DOT1L: variants seen among roughly 807,000 people sequenced by gnomAD.
DOT1L encodes histone-lysine N-methyltransferase, H3 lysine-79 specific.
Under a neutral mutation model 153.3 loss-of-function variants are expected in DOT1L, and 33 were observed. The ratio of observed to expected loss-of-function variants is 0.22; its 90% CI spans 0.16 to 0.29. The LOEUF (loss-of-function observed/expected upper bound fraction) is 0.29. Ranked by LOEUF, DOT1L falls within the 10% of genes least tolerant of loss-of-function variation. The probability of loss-of-function intolerance (pLI) is 1.00; values close to 1 mark genes in which losing one functional copy is unlikely to be tolerated. For synonymous variants in DOT1L, 1,135 were observed against 965.1 expected, an observed-to-expected ratio of 1.18 and a Z score of -3.26; for missense variants, 1,847 against 2,119.9, an observed-to-expected ratio of 0.87 and a Z score of 2.53.
At chr19:2,168,051 A>G (rs1376338588) in intron 1 of DOT1L, among the ~76,000 whole-genome samples, 8 of 152,112 alleles carry the variant, frequency 5.3e-5, no homozygotes, top group African/African-American at 1.4e-4. Context: ...GCAGCAGCAC[A>G]TTTATTCATG....
chr19:2,190,921 T>C lies in DOT1L; in HGVS notation c.265-91T>C, dbSNP rs2022766155. 1.6e-6 allele frequency: 2 copies of C among 1,272,936 alleles called. No individual in the cohort carries two copies. Among genetic ancestry groups the C allele is most frequent in the Admixed American group, 4.4e-5 (2 of 45,568 alleles). 78.9% of individuals were successfully genotyped at this position (1,272,936 alleles called of 1,614,324 possible). On this transcript the variant is annotated intron_variant, in intron 4 of 27. Coordinates refer to ENST00000398665, the MANE Select transcript of DOT1L (RefSeq NM_032482.3). This position sits in a 1 kb window ranked among gnomAD's most constrained non-coding sequence, Gnocchi z 4.8. ...ACGAGAGGCCATGCAGCCGACTCCC[T>C]GCTTCCGCTGGGAAAGGTCCCGGGT...
intron 1 of DOT1L, among the ~76,000 whole-genome samples, chr19:2,173,927 A>G (rs1015834512): frequency 1.3e-5 from 2 of 152,156 alleles, no homozygotes; most frequent in African/African-American, 4.8e-5. Flanking sequence ...GACTGTTTCC[A>G]GGGAACTCCT....
rs554267226 is a variant in DOT1L at position 2,203,996 on chromosome 19, G to A, written c.787+1217G>A. On this transcript the variant is annotated intron_variant, in intron 9 of 27. Transcript: ENST00000398665. ...CCTCCAGAGGCTAGGGGAGAACTGC[G>A]GTGGGCTCCTCAGGCCTCCCAAACA... is the stretch of plus-strand genomic sequence containing the variant. Among the ~76,000 whole-genome samples, 17 of 152,364 alleles carry A rather than the reference G, an allele frequency of 1.1e-4. No homozygotes were observed. The South Asian group carries it at 2.5e-3, about 22-fold the overall frequency.
At chr19:2,196,914 C>A (rs1019574311) in intron 7 of DOT1L, among the ~76,000 whole-genome samples, 3 of 152,214 alleles carry the variant, frequency 2.0e-5, no homozygotes, top group Non-Finnish European at 4.4e-5. Flanking sequence ...GAGTGTGCAG[C>A]GTGCGCTTTT....
chr19:2,218,627 T>G (rs1363600132), intron 22 of DOT1L, among the ~76,000 whole-genome samples: 1 of 152,042 alleles, frequency 6.6e-6, no homozygotes, highest in East Asian at 1.9e-4. Context: ...TCTCCTGACC[T>G]AGTGATCCGC....
intron 1 of DOT1L, among the ~76,000 whole-genome samples, chr19:2,167,666 T>C (rs1261002110): frequency 6.6e-6 from 1 of 152,142 alleles, no homozygotes; most frequent in Admixed American, 6.5e-5. Flanking sequence ...TGTCATTTTC[T>C]GTGTTCCCGT....
chr19:2,209,107 C>G (rs2023614705), intron 12 of DOT1L, 131 bp downstream of exon 12: 2 of 1,001,030 alleles, frequency 2.0e-6, no homozygotes, highest in South Asian at 3.3e-5. Flanking sequence ...GGGCCCGGCC[C>G]TGTGCCCTTT....
At chr19:2,195,870 C>T (rs1306906837) in intron 7 of DOT1L, among the ~76,000 whole-genome samples, 3 of 152,226 alleles carry the variant, frequency 2.0e-5, no homozygotes, top group Admixed American at 2.0e-4. Flanking sequence ...TGTTGTCATT[C>T]GACTCTCACA....
chr19:2,175,060 G>A lies in DOT1L; in HGVS notation c.82-5653G>A, dbSNP rs577646175. 5.3e-5 allele frequency among the ~76,000 whole-genome samples: 8 copies of A among 150,414 alleles called. No individual in the cohort carries two copies. In the East Asian group the frequency reaches 7.8e-4, roughly 15 times the overall value. On this transcript the variant is annotated intron_variant, in intron 1 of 27. Transcript: ENST00000398665. ...GTTGCCCAGGCTGGAGTGCAGTGGCGCCATCTCGGCTCACTGCAAGCCCCG... is the reference window on the plus strand; with the variant it reads ...GTTGCCCAGGCTGGAGTGCAGTGGCACCATCTCGGCTCACTGCAAGCCCCG...
intron 27 of DOT1L, chr19:2,229,321 C>T (rs2024501248): frequency 3.0e-6 from 3 of 985,448 alleles, no homozygotes; most frequent in Non-Finnish European, 3.6e-6. Context: ...TTGCCCCTGG[C>T]CTTCTGCCTC....
chr19:2,168,802 G>A (rs1217074738), intron 1 of DOT1L, among the ~76,000 whole-genome samples: 1 of 152,058 alleles, frequency 6.6e-6, no homozygotes, highest in Non-Finnish European at 1.5e-5. Flanking sequence ...TTTTAGTAGC[G>A]ACAGGTTTTC....
In DOT1L at chr19:2,193,543, T is replaced by C. The variant is rs2022887397; in HGVS notation, c.494-146T>C. 6.0e-6 allele frequency: 4 copies of C among 667,048 alleles called. No homozygotes were observed. Among genetic ancestry groups the C allele is most frequent in the Non-Finnish European group, 1.0e-5 (4 of 393,774 alleles). The allele number at this position is 667,048 out of a possible 1,614,324, so 41.3% of individuals were successfully genotyped here. A position where few individuals can be genotyped will look rare whatever the true frequency, so the allele number is the denominator to read the frequency against. On this transcript the variant is annotated intron_variant, in intron 5 of 27. Coordinates refer to ENST00000398665, the MANE Select transcript of DOT1L (RefSeq NM_032482.3). This position sits in a 1 kb window ranked among gnomAD's most constrained non-coding sequence, Gnocchi z 5.9. ...CTCTGGGAAGGATCCTGAGTGACCT[T>C]GGAGCATCGGATATGTGTGGAGACT...
intron 27 of DOT1L, chr19:2,227,631 C>A: frequency 1.7e-6 from 2 of 1,202,966 alleles, no homozygotes; most frequent in South Asian, 1.4e-5. Context: ...CCGCACACGC[C>A]TGGCGGCGCC....
At chr19:2,194,999 C>T (rs1441438568) in intron 7 of DOT1L, among the ~76,000 whole-genome samples, 5 of 152,136 alleles carry the variant, frequency 3.3e-5, no homozygotes, top group South Asian at 2.1e-4. Flanking sequence ...CCAGCAACCT[C>T]GGGGTGGGCA....
intron 9 of DOT1L, among the ~76,000 whole-genome samples, chr19:2,205,785 C>G (rs1249320339): frequency 6.6e-6 from 1 of 152,062 alleles, no homozygotes. Context: ...CCTTGACCTC[C>G]TGGGCTCAAG....
At chr19:2,225,207 AT>A (rs1461228497) in intron 25 of DOT1L, among the ~76,000 whole-genome samples, 180 bp from the exon 26 acceptor site, 1 of 152,086 alleles carries the variant, frequency 6.6e-6, no homozygotes, top group Non-Finnish European at 1.5e-5. Flanking sequence ...ACAGGGGTGG[AT>A]CCCAGGGCCC....
At chr19:2,174,519 T>G in intron 1 of DOT1L, among the ~76,000 whole-genome samples, 1 of 152,126 alleles carries the variant, frequency 6.6e-6, no homozygotes, top group African/African-American at 2.4e-5. Flanking sequence ...AAACCCCGTC[T>G]CTGTTAAAAA....
In DOT1L at chr19:2,227,276, C is replaced by T. The variant is rs2024392343; in HGVS notation, c.4606+149C>T. The stretch of plus-strand genomic sequence containing the variant: ...GGCCCCCGCCATCCGTGCACGGTGG[C>T]GAACTCCAGTCCTGTGGGGAGAGGG... On this transcript the variant is annotated intron_variant, in intron 27 of 27. Transcript: ENST00000398665. 6 of 1,009,498 alleles carry T rather than the reference C, an allele frequency of 5.9e-6. No individual in the cohort carries two copies. In the South Asian group the frequency reaches 7.9e-5, roughly 13 times the overall value. The allele number at this position is 1,009,498 out of a possible 1,614,324, so 62.5% of individuals were successfully genotyped here.
rs1476984638 is a variant in DOT1L, at chr19:2,210,616, T to G, written c.1117-5T>G. ...CCATCCCTGTTCTTCCCTTGTGTCC[T>G]CCAGGACTCTGGTGCTGAGGAAGAG... On this transcript the variant is annotated splice_region_variant and splice_polypyrimidine_tract_variant and intron_variant, in intron 13 of 27. Coordinates refer to ENST00000398665, the MANE Select transcript of DOT1L (RefSeq NM_032482.3). 1.2e-5 allele frequency: 19 copies of G among 1,611,714 alleles called. No individual in the cohort carries two copies. The highest frequency in any genetic ancestry group is 1.5e-5 in the Non-Finnish European group (18 of 1,179,426).
Sources: allele counts gnomAD v4.1 joint callset (sites outside exome capture counted in the v4.1 genomes callset), GRCh38; gene constraint gnomAD v4.1.1; non-coding constraint Gnocchi (gnomAD v3.1); transcripts MANE v1.5; gene names NCBI Gene and HGNC (gene_info 2026-07-23, HGNC 2026-07-21).